Variants in DSG3 observed in about 807,000 individuals in gnomAD.
The protein encoded by DSG3 is desmoglein-3.
A neutral mutation model predicts 85.9 loss-of-function variants in DSG3; 63 were observed. The ratio of observed to expected loss-of-function variants is 0.73; its 90% CI spans 0.60 to 0.90. The LOEUF is 0.90. DSG3 is among the 40% of genes least tolerant of loss of function. The probability of loss-of-function intolerance (pLI) is 0.00; values close to 1 mark genes in which losing one functional copy is unlikely to be tolerated. For missense variants in DSG3, 1,220 were observed against 1,219.9 expected, an observed-to-expected ratio of 1.00 and a Z score of 0.00; for synonymous variants, 447 against 441.9, an observed-to-expected ratio of 1.01 and a Z score of -0.14.
rs12961894 is a variant in DSG3 at position 31,457,547 on chromosome 18, C to T, written c.216+423C>T. On this transcript the variant is annotated intron_variant, in intron 3 of 15. Coordinates refer to ENST00000257189, the MANE Select transcript of DSG3 (RefSeq NM_001944.3). ...TCTTTCTTTCTTTCTTTCTTTCTTT[C>T]TCTTTCTTTCTTTCTTTCTTTCTTT... Among the ~76,000 whole-genome samples the T allele has an allele frequency of 1.6e-3, 192 of 122,642 alleles. 1 individual carries two copies. Among genetic ancestry groups the T allele is most frequent in the Non-Finnish European group, 2.1e-3 (131 of 61,120 alleles). 80.5% of individuals were successfully genotyped at this position (122,642 alleles called of 152,430 possible).
intron 1 of DSG3, among the ~76,000 whole-genome samples, chr18:31,451,705 G>GTTC (rs1244802280): frequency 6.6e-6 from 1 of 152,128 alleles, no homozygotes; most frequent in Non-Finnish European, 1.5e-5. Flanking sequence ...TTGCCAAATG[G>GTTC]TTCTTCCAGC....
At chr18:31,455,017 G>T (rs1186083182) in intron 1 of DSG3, among the ~76,000 whole-genome samples, 3 of 129,316 alleles carry the variant, frequency 2.3e-5, no homozygotes, top group African/African-American at 9.5e-5. Flanking sequence ...GCGAAACTCC[G>T]TCTCAAAAAA....
chr18:31,464,347 C>G lies in DSG3; in HGVS notation c.1236C>G (p.Ile412Met). 6.2e-7 allele frequency: 1 copy of G among 1,613,404 alleles called. No individual in the cohort carries two copies. The highest frequency in any genetic ancestry group is 2.2e-5 in the East Asian group (1 of 44,864). ...VDYILGTYQA[I>M]DEDTNKAASN... ...ATATCCTGGGAACATATCAAGCCAT[C>G]GATGAGGACACTAACAAAGCTGCCT... Residue 412 changes from isoleucine (I) to methionine (M), a missense_variant, in exon 9 of 16, where the codon ATC becomes ATG. Coordinates refer to ENST00000257189, the MANE Select transcript of DSG3 (RefSeq NM_001944.3).
rs750153030 is a variant in DSG3, at chr18:31,464,068, T to G, written c.1000-43T>G. 3 of 1,575,186 alleles carry G rather than the reference T, an allele frequency of 1.9e-6. No individual in the cohort carries two copies. The African/African-American group carries it at 4.1e-5, about 21-fold the overall frequency. On this transcript the variant is annotated intron_variant, in intron 8 of 15. Transcript: ENST00000257189. Reference sequence around the variant, plus strand: ...TCATCATCTACTGGGTTTGCGGGAGTGTATTTTTGTGAAACTGCCTTCTAA... The same window carrying G: ...TCATCATCTACTGGGTTTGCGGGAGGGTATTTTTGTGAAACTGCCTTCTAA...
At position 31,461,269 on chromosome 18, in the gene DSG3, C is replaced by T. The variant is rs757289679; in HGVS notation, c.856C>T (p.Leu286Phe). 58 of 1,613,366 alleles carry T rather than the reference C, an allele frequency of 3.6e-5. No homozygotes were observed. The highest frequency in any genetic ancestry group is 4.4e-5 in the Non-Finnish European group (52 of 1,179,794). Residue 286 changes from leucine (L) to phenylalanine (F), a missense_variant, in exon 8 of 16, where the codon CTT (leucine) becomes TTT (phenylalanine). Coordinates refer to ENST00000257189, the MANE Select transcript of DSG3 (RefSeq NM_001944.3). Reference protein sequence around the residue: ...IEENILSSELLRFQVTDLDEE... With the variant: ...IEENILSSELFRFQVTDLDEE... ...AGAAAATATTTTAAGTTCTGAATTA[C>T]TTCGATTTCAAGTAACAGATTTGGA...
At chr18:31,448,264 A>G (rs928368666) in intron 1 of DSG3, among the ~76,000 whole-genome samples, 1 of 152,206 alleles carries the variant, frequency 6.6e-6, no homozygotes, top group African/African-American at 2.4e-5. Flanking sequence ...TAACCCACAA[A>G]CAAGAACACA....
chr18:31,466,228 A>G (rs2072817445), intron 10 of DSG3, among the ~76,000 whole-genome samples: 2 of 152,224 alleles, frequency 1.3e-5, no homozygotes. Context: ...TAAGAAAGTT[A>G]CTATTTTTGT....
At chr18:31,474,961 T>C (rs1417603464) in intron 15 of DSG3, among the ~76,000 whole-genome samples, 1 of 152,166 alleles carries the variant, frequency 6.6e-6, no homozygotes, top group East Asian at 1.9e-4. Flanking sequence ...TACCTGTGTG[T>C]ATATTTTCCT....
intron 8 of DSG3, 123 bp from the exon 9 acceptor site, chr18:31,463,988 G>A: frequency 1.1e-6 from 1 of 920,200 alleles, no homozygotes; most frequent in South Asian, 1.8e-5. Flanking sequence ...TTCTGAAGCT[G>A]TTTTGCTATT....
chr18:31,478,225 G>C lies in DSG3; in HGVS notation c.*1965G>C, dbSNP rs1483126007. ...ATTGCTCTTCCTGCTGCTGTCCTTT[G>C]CTTCTCAACGGTGGCTCGCTCTACA... On this transcript the variant is annotated 3_prime_UTR_variant, in exon 16 of 16. Transcript: ENST00000257189. 6.6e-6 allele frequency: 1 copy of C among 152,254 alleles called. No individual in the cohort carries two copies. Among genetic ancestry groups the C allele is most frequent in the East Asian group, 1.9e-4 (1 of 5,192 alleles). The allele number at this position is 152,254 out of a possible 1,614,324, so 9.4% of individuals were successfully genotyped here.
At chr18:31,451,661 C>T (rs2072712473) in intron 1 of DSG3, among the ~76,000 whole-genome samples, 1 of 152,192 alleles carries the variant, frequency 6.6e-6, no homozygotes, top group Non-Finnish European at 1.5e-5. Context: ...TACTGAACTT[C>T]CCAAAAAGTT....
At chr18:31,471,647 C>T (rs1047449565) in intron 12 of DSG3, among the ~76,000 whole-genome samples, 7 of 152,192 alleles carry the variant, frequency 4.6e-5, no homozygotes, top group Non-Finnish European at 8.8e-5. Context: ...ATGAGAATGA[C>T]ATTAATCTTT....
chr18:31,449,225 T>C (rs762552494), intron 1 of DSG3, among the ~76,000 whole-genome samples: 3 of 152,176 alleles, frequency 2.0e-5, no homozygotes, highest in Non-Finnish European at 4.4e-5. Flanking sequence ...ATTACGACAA[T>C]GTAACTGTGT....
At chr18:31,461,996 T>C (rs937073402) in intron 8 of DSG3, among the ~76,000 whole-genome samples, 2 of 152,212 alleles carry the variant, frequency 1.3e-5, no homozygotes, top group Non-Finnish European at 2.9e-5. Flanking sequence ...CCTTCCTTGG[T>C]ACAGCACTTT....
At chr18:31,466,154 A>T (rs1268456350) in intron 10 of DSG3, among the ~76,000 whole-genome samples, 1 of 152,192 alleles carries the variant, frequency 6.6e-6, no homozygotes, top group Non-Finnish European at 1.5e-5. Context: ...TATTCCAAAT[A>T]AAAAATGTGT....
At chr18:31,449,968 T>G (rs939058030) in intron 1 of DSG3, among the ~76,000 whole-genome samples, 7 of 152,222 alleles carry the variant, frequency 4.6e-5, no homozygotes, top group African/African-American at 1.7e-4. Context: ...ATGTCAATAA[T>G]TTTTTATGTT....
At chr18:31,469,440 A>G in intron 12 of DSG3, 91 bp downstream of exon 12, 15 of 1,514,968 alleles carry the variant, frequency 9.9e-6, no homozygotes, top group Non-Finnish European at 1.3e-5. Flanking sequence ...CAATGGGGAA[A>G]GAATATTCTC....
Position 31,472,292 on chromosome 18 carries a change from C to T in DSG3, c.1906C>T (p.Leu636Phe). The T allele has an allele frequency of 6.2e-7, 1 of 1,614,042 alleles. No homozygotes were observed. Among genetic ancestry groups the T allele is most frequent in the African/African-American group, 1.3e-5 (1 of 75,038 alleles). Residue 636 changes from leucine (L) to phenylalanine (F), a missense_variant, in exon 13 of 16, where the codon CTT becomes TTT. Physicochemically the swap from Leu to Phe is conservative, Grantham distance 22 (BLOSUM62 0). Coordinates refer to ENST00000257189, the MANE Select transcript of DSG3 (RefSeq NM_001944.3). ...GTTTTGTTTTTCACTAGTGGCCCCCCTTCTGCTGTTGACCTGTGACTGTGG... is the reference window on the plus strand; with the variant it reads ...GTTTTGTTTTTCACTAGTGGCCCCCTTTCTGCTGTTGACCTGTGACTGTGG... ...LGLLLLLLAP[L>F]LLLTCDCGAG... is the part of the protein sequence containing the mutation.
intron 12 of DSG3, among the ~76,000 whole-genome samples, chr18:31,470,332 T>C (rs1296451871): frequency 6.6e-6 from 1 of 152,162 alleles, no homozygotes; most frequent in Non-Finnish European, 1.5e-5. Flanking sequence ...TGAACAGATA[T>C]GAATGTTTTG....
Sources: allele counts gnomAD v4.1 joint callset (sites outside exome capture counted in the v4.1 genomes callset), GRCh38; gene constraint gnomAD v4.1.1; transcripts MANE v1.5; gene names NCBI Gene and HGNC (gene_info 2026-07-23, HGNC 2026-07-21).